CNOT2: variants seen among roughly 807,000 people sequenced by gnomAD.
The protein encoded by CNOT2 is CC chemokine receptor 4-negative regulator of transcription 2.
In CNOT2, 7 loss-of-function variants were observed where a neutral mutation model predicts 72.1. The ratio of observed to expected loss-of-function variants is 0.10; its 90% CI spans 0.06 to 0.18. The LOEUF is 0.18. Among genes scored for constraint, CNOT2 ranks in the 10% least tolerant of loss-of-function variants. The pLI, the probability that CNOT2 is intolerant of heterozygous loss-of-function variation, is 1.00. For synonymous variants in CNOT2, 196 were observed against 225.6 expected, an observed-to-expected ratio of 0.87 and a Z score of 1.17; for missense variants, 345 against 660.3, an observed-to-expected ratio of 0.52 and a Z score of 5.23.
At chr12:70,312,038 A>G (rs1244799889) in intron 3 of CNOT2, among the ~76,000 whole-genome samples, 1 of 151,854 alleles carries the variant, frequency 6.6e-6, no homozygotes, top group East Asian at 1.9e-4. Context: ...TTTTGATTTG[A>G]ACATTCTTGT....
intron 1 of CNOT2, among the ~76,000 whole-genome samples, chr12:70,276,917 C>G (rs1868919215): frequency 6.6e-6 from 1 of 151,872 alleles, no homozygotes; most frequent in African/African-American, 2.4e-5. Flanking sequence ...TTTTTGTCAC[C>G]TGGGTTCTTT....
intron 1 of CNOT2, among the ~76,000 whole-genome samples, chr12:70,265,642 T>G (rs1021831811): frequency 3.9e-5 from 6 of 152,056 alleles, no homozygotes; most frequent in African/African-American, 1.4e-4. Flanking sequence ...TGTTTTTTCC[T>G]CTCATCTTTA....
chr12:70,254,034 T>A (rs938063777), intron 1 of CNOT2, among the ~76,000 whole-genome samples: 1 of 151,848 alleles, frequency 6.6e-6, no homozygotes, highest in Non-Finnish European at 1.5e-5. Context: ...GTCAGGAGAT[T>A]GAGACCATCC....
chr12:70,262,786 G>T (rs1958842218), intron 1 of CNOT2, among the ~76,000 whole-genome samples: 1 of 151,922 alleles, frequency 6.6e-6, no homozygotes, highest in African/African-American at 2.4e-5. Flanking sequence ...CACTTCCCCT[G>T]CCTCAGCCTC....
rs201942726 is a variant in CNOT2, at chr12:70,329,405, T to G, written c.239-18T>G. The G allele has an allele frequency of 1.3e-6, 2 of 1,599,556 alleles. No individual in the cohort carries two copies. Among genetic ancestry groups the G allele is most frequent in the South Asian group, 1.1e-5 (1 of 90,512 alleles). ...TCCTGATGGCAATGAATTTCCTTCT[T>G]CTGAATTTTTTTATTAGGTGCACTA... On this transcript the variant is annotated intron_variant, in intron 4 of 15. Transcript: ENST00000229195.
chr12:70,318,453 G>A (rs1877723669), intron 3 of CNOT2, among the ~76,000 whole-genome samples: 1 of 151,330 alleles, frequency 6.6e-6, no homozygotes, highest in African/African-American at 2.4e-5. Flanking sequence ...CAATAGTTTT[G>A]GGGGTACAGG....
intron 13 of CNOT2, among the ~76,000 whole-genome samples, chr12:70,343,166 A>G (rs17108018): frequency 0.15 from 23,037 of 152,152 alleles, 2,069 homozygotes; most frequent in Admixed American, 0.28. Flanking sequence ...TCCAATTACC[A>G]AAGTGTTCCA....
At chr12:70,346,389 C>T in intron 15 of CNOT2, 65 bp downstream of exon 15, 4 of 1,380,840 alleles carry the variant, frequency 2.9e-6, no homozygotes, top group Non-Finnish European at 4.1e-6. Flanking sequence ...CCTCTTTTAT[C>T]TGTTTATAAG....
chr12:70,278,770 C>T lies in CNOT2; in HGVS notation c.48+496C>T, dbSNP rs553736099. Among the ~76,000 whole-genome samples the T allele has an allele frequency of 1.4e-3, 220 of 152,182 alleles. 1 individual carries two copies. Among genetic ancestry groups the T allele is most frequent in the African/African-American group, 5.1e-3 (210 of 41,534 alleles). On this transcript the variant is annotated intron_variant, in intron 2 of 15. Transcript: ENST00000229195. ...TTGAATTTGTTATTAGTTTGCTGTC[C>T]TTAAATGCTAGATTCTTGTTTTCTC...
intron 1 of CNOT2, among the ~76,000 whole-genome samples, chr12:70,272,549 A>G (rs1197388182): frequency 6.6e-6 from 1 of 152,156 alleles, no homozygotes; most frequent in Non-Finnish European, 1.5e-5. Context: ...TTTCTTACCT[A>G]TCATTAGTAA....
At chr12:70,315,418 A>C (rs776355393) in intron 3 of CNOT2, among the ~76,000 whole-genome samples, 3 of 152,180 alleles carry the variant, frequency 2.0e-5, no homozygotes, top group Non-Finnish European at 2.9e-5. Flanking sequence ...ATAATAACAT[A>C]GTGCTAGGAA....
chr12:70,290,156 A>G (rs1871635060), intron 2 of CNOT2, among the ~76,000 whole-genome samples: 2 of 151,950 alleles, frequency 1.3e-5, no homozygotes, highest in South Asian at 2.1e-4. Context: ...ACTCTGGCTC[A>G]TAGGAAAATA....
intron 2 of CNOT2, among the ~76,000 whole-genome samples, chr12:70,309,983 C>T (rs1876171320): frequency 6.6e-6 from 1 of 152,014 alleles, no homozygotes; most frequent in South Asian, 2.1e-4. Flanking sequence ...TGTGTCTGTA[C>T]TGAACATGTA....
At chr12:70,326,377 C>A (rs1383145277) in intron 4 of CNOT2, among the ~76,000 whole-genome samples, 1 of 150,332 alleles carries the variant, frequency 6.7e-6, no homozygotes, top group African/African-American at 2.4e-5. Context: ...TATACAAGCT[C>A]ATTTATACAT....
chr12:70,345,684 T>A (rs1032368974), intron 14 of CNOT2: 2 of 152,242 alleles, frequency 1.3e-5, no homozygotes, highest in South Asian at 4.1e-4. Context: ...ATATTCAGTA[T>A]AATTTTTCAA....
intron 2 of CNOT2, among the ~76,000 whole-genome samples, chr12:70,284,191 C>T (rs902720022): frequency 1.3e-5 from 2 of 151,744 alleles, no homozygotes; most frequent in African/African-American, 4.8e-5. Context: ...GGTGATCCAT[C>T]TGCCTCGACC....
chr12:70,336,176 C>T (rs1330332177), intron 8 of CNOT2: 1 of 152,158 alleles, frequency 6.6e-6, no homozygotes, highest in Non-Finnish European at 1.5e-5. Flanking sequence ...TGGCAGATGT[C>T]ACCTGGGGAA....
intron 13 of CNOT2, 63 bp from the exon 14 acceptor site, chr12:70,344,065 A>G: frequency 9.3e-7 from 1 of 1,080,484 alleles, no homozygotes; most frequent in Non-Finnish European, 1.3e-6. Context: ...TAGTAGTAGC[A>G]ACTATATATT....
At chr12:70,334,695 T>A (rs1448663063) in intron 7 of CNOT2, 1 of 152,118 alleles carries the variant, frequency 6.6e-6, no homozygotes, top group Non-Finnish European at 1.5e-5. Context: ...TAAATTTTAA[T>A]TTTTAAAGGA....
Sources: allele counts gnomAD v4.1 joint callset (sites outside exome capture counted in the v4.1 genomes callset), GRCh38; gene constraint gnomAD v4.1.1; transcripts MANE v1.5; gene names NCBI Gene and HGNC (gene_info 2026-07-23, HGNC 2026-07-21).